CALN1: variants seen among roughly 807,000 people sequenced by gnomAD.
The protein encoded by CALN1 is calneuron 1, also known as calcium-binding protein 8.
Under a neutral mutation model 30.6 loss-of-function variants are expected in CALN1, and 17 were observed. That is an observed-to-expected ratio of 0.56 (90% CI 0.38 to 0.83). CALN1 has a LOEUF of 0.83. Ranked by LOEUF, CALN1 falls within the 40% of genes least tolerant of loss-of-function variation. The probability of loss-of-function intolerance (pLI) is 0.00; values close to 1 mark genes in which losing one functional copy is unlikely to be tolerated. For synonymous variants in CALN1, 156 were observed against 131.4 expected (o/e 1.19, Z -1.28); for missense variants, 291 against 354.9 (o/e 0.82, Z 1.45).
chr7:72,317,076 C>CAGAAAGAGAGAGAG lies in CALN1; in HGVS notation c.120-38280_120-38267dup, dbSNP rs1363063526. Among the ~76,000 whole-genome samples, 176 of 91,896 alleles carry CAGAAAGAGAGAGAG rather than the reference C, an allele frequency of 1.9e-3. 1 individual carries two copies. Among genetic ancestry groups the CAGAAAGAGAGAGAG allele is most frequent in the African/African-American group, 8.0e-3 (157 of 19,690 alleles). 60.3% of individuals were successfully genotyped at this position (91,896 alleles called of 152,430 possible). A position where few individuals can be genotyped will look rare whatever the true frequency, so the allele number is the denominator to read the frequency against. On this transcript the variant is annotated intron_variant, in intron 2 of 6. Transcript: ENST00000395275. ...AAAGAGAGAGAGAGAAAGAGAGACA[C>CAGAAAGAGAGAGAG]AGAAAGAGAGAGAGAGAGGGAGGGA...
At chr7:72,283,514 G>A (rs1270106861) in intron 2 of CALN1, among the ~76,000 whole-genome samples, 1 of 104,592 alleles carries the variant, frequency 9.6e-6, no homozygotes, top group Non-Finnish European at 1.9e-5. Context: ...CAGCCTGAGT[G>A]ACAGAGCAAG....
At chr7:72,385,717 G>A in intron 2 of CALN1, among the ~76,000 whole-genome samples, 1 of 152,124 alleles carries the variant, frequency 6.6e-6, no homozygotes, top group Non-Finnish European at 1.5e-5. Flanking sequence ...CTGTTCTTGT[G>A]ATAGTGACTG....
At chr7:72,179,499 T>C (rs1398254591) in intron 3 of CALN1, among the ~76,000 whole-genome samples, 1 of 152,184 alleles carries the variant, frequency 6.6e-6, no homozygotes, top group Non-Finnish European at 1.5e-5. Flanking sequence ...GAATCTTGTC[T>C]CATTATACAT....
At chr7:72,131,552 T>TAG (rs1809149238) in intron 3 of CALN1, among the ~76,000 whole-genome samples, 1 of 152,148 alleles carries the variant, frequency 6.6e-6, no homozygotes, top group African/African-American at 2.4e-5. Flanking sequence ...CCCGAACTGA[T>TAG]TCTCTAACAG....
chr7:72,299,180 A>C (rs1799076316), intron 2 of CALN1, among the ~76,000 whole-genome samples: 1 of 152,268 alleles, frequency 6.6e-6, no homozygotes, highest in Non-Finnish European at 1.5e-5. Context: ...ACTGTAGATA[A>C]TCAGTAAAGT....
intron 2 of CALN1, among the ~76,000 whole-genome samples, chr7:72,291,231 C>A (rs1480176135): frequency 6.6e-6 from 1 of 152,050 alleles, no homozygotes; most frequent in African/African-American, 2.4e-5. Context: ...CCCTTTTAAC[C>A]ATTTCTGACT....
intron 3 of CALN1, among the ~76,000 whole-genome samples, chr7:72,266,743 T>C (rs1796623373): frequency 1.3e-5 from 2 of 152,148 alleles, no homozygotes; most frequent in South Asian, 4.2e-4. Context: ...CAAAATGCAT[T>C]TTCAGAACAA....
intron 3 of CALN1, among the ~76,000 whole-genome samples, chr7:72,195,569 G>T (rs139573454): frequency 7.7e-4 from 117 of 152,150 alleles, no homozygotes; most frequent in African/African-American, 2.5e-3. Flanking sequence ...TTTAAGGATG[G>T]GGTCTCACTA....
At chr7:71,819,740 A>G (rs371315054) in intron 5 of CALN1, among the ~76,000 whole-genome samples, 47 of 152,256 alleles carry the variant, frequency 3.1e-4, no homozygotes, top group African/African-American at 1.1e-3. Flanking sequence ...TGTTAAGTGG[A>G]ATCATATGAT....
chr7:71,784,834 G>A lies in CALN1; in HGVS notation c.*2941C>T. 2.5e-6 allele frequency: 1 copy of A among 398,708 alleles called. No homozygotes were observed. Among genetic ancestry groups the A allele is most frequent in the Non-Finnish European group, 4.4e-6 (1 of 226,150 alleles). The allele number at this position is 398,708 out of a possible 1,614,324, so 24.7% of individuals were successfully genotyped here. On this transcript the variant is annotated 3_prime_UTR_variant, in exon 7 of 7. Coordinates refer to ENST00000395275, the MANE Select transcript of CALN1 (RefSeq NM_031468.4). ...GCTACATGGCATCCCTTGGGCATGG[G>A]AGACCAGGACCTTCTGGAATCTTCA...
intron 3 of CALN1, among the ~76,000 whole-genome samples, chr7:72,110,698 T>C (rs1192327795): frequency 1.5e-5 from 2 of 136,780 alleles, no homozygotes; most frequent in East Asian, 2.2e-4. Context: ...GGAAAAAAAA[T>C]ACAAAACTAG....
At chr7:72,172,458 A>T (rs957272649) in intron 3 of CALN1, among the ~76,000 whole-genome samples, 1 of 152,342 alleles carries the variant, frequency 6.6e-6, no homozygotes, top group Non-Finnish European at 1.5e-5. Flanking sequence ...TGGACCAAAA[A>T]GCAGACAAAA....
At chr7:72,212,516 T>C (rs1300391403) in intron 3 of CALN1, among the ~76,000 whole-genome samples, 4 of 152,068 alleles carry the variant, frequency 2.6e-5, no homozygotes, top group Non-Finnish European at 4.4e-5. Flanking sequence ...AGACGACCTA[T>C]CTTAATATTC....
chr7:72,256,854 G>A (rs570437825), intron 3 of CALN1, among the ~76,000 whole-genome samples: 1 of 152,020 alleles, frequency 6.6e-6, no homozygotes, highest in Non-Finnish European at 1.5e-5. Flanking sequence ...CCTTCCCTCT[G>A]ACATGCCAAG....
intron 1 of CALN1, among the ~76,000 whole-genome samples, chr7:72,442,383 T>G (rs1456401758): frequency 6.6e-6 from 1 of 152,252 alleles, no homozygotes; most frequent in Non-Finnish European, 1.5e-5. Flanking sequence ...TGCTGCCACC[T>G]TTATTTATTC....
chr7:72,255,849 GCCT>G (rs1023353539), intron 3 of CALN1, among the ~76,000 whole-genome samples: 30 of 151,768 alleles, frequency 2.0e-4, no homozygotes, highest in Admixed American at 2.0e-4. Context: ...TCCTGCCTCA[GCCT>G]CCTGAGTAGC....
At chr7:72,249,440 G>A (rs1795400980) in intron 3 of CALN1, among the ~76,000 whole-genome samples, 1 of 152,172 alleles carries the variant, frequency 6.6e-6, no homozygotes, top group Non-Finnish European at 1.5e-5. Context: ...AATGGCTGGT[G>A]GAGGCAGGAC....
chr7:72,187,173 G>GA (rs1438456734), intron 3 of CALN1, among the ~76,000 whole-genome samples: 1 of 151,870 alleles, frequency 6.6e-6, no homozygotes, highest in Non-Finnish European at 1.5e-5. Flanking sequence ...TTTTTTGTGG[G>GA]AAAAACAGGA....
At chr7:72,138,022 G>A (rs549197896) in intron 3 of CALN1, among the ~76,000 whole-genome samples, 1 of 152,270 alleles carries the variant, frequency 6.6e-6, no homozygotes, top group Admixed American at 6.5e-5. Context: ...AAGTAAAATA[G>A]TAAAATGAAA....
Sources: allele counts gnomAD v4.1 joint callset (sites outside exome capture counted in the v4.1 genomes callset), GRCh38; gene constraint gnomAD v4.1.1; transcripts MANE v1.5; gene names NCBI Gene and HGNC (gene_info 2026-07-23, HGNC 2026-07-21).